FOCAD: variants seen among roughly 807,000 people sequenced by gnomAD.
The protein encoded by FOCAD is focadhesin.
Under a neutral mutation model 225.6 loss-of-function variants are expected in FOCAD, and 198 were observed. The observed-to-expected ratio is 0.88, with a 90% CI of 0.78 to 0.99. The LOEUF (loss-of-function observed/expected upper bound fraction) is 0.99, where lower values mean the gene tolerates loss of function less well. FOCAD is among the 50% of genes least tolerant of loss of function. The probability of loss-of-function intolerance (pLI) is 0.00; values close to 1 mark genes in which losing one functional copy is unlikely to be tolerated. For synonymous variants in FOCAD, 897 were observed against 755.0 expected (o/e 1.19, Z -3.08); for missense variants, 2,713 against 2,123.6 (o/e 1.28, Z -5.46).
chr9:20,947,284 T>C (rs1363751710), intron 30 of FOCAD, among the ~76,000 whole-genome samples: 15 of 152,198 alleles, frequency 9.9e-5, no homozygotes, highest in African/African-American at 2.4e-5. Context: ...TAAGTAACCT[T>C]AAAATGTTTC....
chr9:20,858,704 A>G (rs1371849583), intron 15 of FOCAD, among the ~76,000 whole-genome samples: 2 of 151,898 alleles, frequency 1.3e-5, no homozygotes, highest in African/African-American at 2.4e-5. Flanking sequence ...AAGTTTTTCT[A>G]CTTTATTGAT....
chr9:20,915,272 A>G (rs1434464202), intron 23 of FOCAD, among the ~76,000 whole-genome samples: 3 of 152,200 alleles, frequency 2.0e-5, no homozygotes, highest in Non-Finnish European at 4.4e-5. Context: ...TTAGGGAGTG[A>G]ATAAAGAAAG....
chr9:20,839,242 A>G (rs1469699712), intron 15 of FOCAD, among the ~76,000 whole-genome samples: 1 of 146,336 alleles, frequency 6.8e-6, no homozygotes. Context: ...CCTTGGCTTT[A>G]TGGAATTTCT....
At position 20,969,611 on chromosome 9, in the gene FOCAD, A is replaced by G. The variant is rs560917136; in HGVS notation, c.4133-6809A>G. 3.3e-5 allele frequency among the ~76,000 whole-genome samples: 5 copies of G among 152,036 alleles called. No individual in the cohort carries two copies. The East Asian group carries it at 9.6e-4, about 29-fold the overall frequency. On this transcript the variant is annotated intron_variant, in intron 35 of 43. Transcript: ENST00000338382. ...GTCCCAAATTACATTTGTATACATT[A>G]TGTGCCCATTAAGGTAGATTTATAA...
At position 20,865,928 on chromosome 9, in the gene FOCAD, T is replaced by C; in HGVS notation, c.2058T>C (p.Asn686=). Residue 686 remains asparagine (N), a splice_region_variant and synonymous_variant, in exon 17 of 44, where the codon AAT becomes AAC. Transcript: ENST00000338382. ...TCTTTTGTATGTTAACTTTTCAGAA[T>C]TTTAAAGTTCAAGTCCTCAGCTTCC... ...SLTVNTTEYE[N]FKVQVLSFLW... 6.2e-7 allele frequency: 1 copy of C among 1,606,426 alleles called. No individual in the cohort carries two copies. Among genetic ancestry groups the C allele is most frequent in the Non-Finnish European group, 8.5e-7 (1 of 1,176,200 alleles).
At chr9:20,873,315 A>G (rs927830821) in intron 18 of FOCAD, among the ~76,000 whole-genome samples, 1 of 152,202 alleles carries the variant, frequency 6.6e-6, no homozygotes, top group Admixed American at 6.5e-5. Flanking sequence ...TTTTTAGGCC[A>G]CTAGGATTGT....
Position 20,951,011 on chromosome 9 carries a change from G to C in FOCAD, c.3964G>C (p.Gly1322Arg). 1 of 1,613,114 alleles carries C rather than the reference G, an allele frequency of 6.2e-7. No individual in the cohort carries two copies. The highest frequency in any genetic ancestry group is 8.5e-7 in the Non-Finnish European group (1 of 1,179,250). ...TTATTTGTAGGTCATTAGTGTCTCTGGGGTGATTGGTCTCCAGTCAAATGC... is the reference window on the plus strand; with the variant it reads ...TTATTTGTAGGTCATTAGTGTCTCTCGGGTGATTGGTCTCCAGTCAAATGC... Reference protein sequence around the residue: ...RTLTQVISVSGVIGLQSNAVW... With the variant: ...RTLTQVISVSRVIGLQSNAVW... The change falls in exon 34 of 44, where the codon GGG (glycine) becomes CGG (arginine). Residue 1322 changes from glycine (G) to arginine (R), a missense_variant. Coordinates refer to ENST00000338382, the MANE Select transcript of FOCAD (RefSeq NM_001375567.1).
upstream of FOCAD, among the ~76,000 whole-genome samples, chr9:20,682,901 G>A (rs1822444211): frequency 6.6e-6 from 1 of 152,120 alleles, no homozygotes; most frequent in African/African-American, 2.4e-5. Flanking sequence ...CTCCTGAGTA[G>A]AGTAGCCGTG....
intron 1 of FOCAD, among the ~76,000 whole-genome samples, chr9:20,701,047 G>T (rs1312300623): frequency 1.3e-5 from 2 of 152,200 alleles, no homozygotes; most frequent in African/African-American, 2.4e-5. Flanking sequence ...CCTTCAGAAT[G>T]AGACAAGAAT....
intron 6 of FOCAD, among the ~76,000 whole-genome samples, chr9:20,763,148 C>A (rs1829761337): frequency 6.6e-6 from 1 of 152,054 alleles, no homozygotes; most frequent in Non-Finnish European, 1.5e-5. Context: ...CATTTAATTG[C>A]ATGCTCATTA....
intron 4 of FOCAD, among the ~76,000 whole-genome samples, chr9:20,734,567 A>G (rs750801149): frequency 5.3e-5 from 8 of 152,138 alleles, no homozygotes; most frequent in Non-Finnish European, 1.2e-4. Context: ...GAGGAGTCAC[A>G]TTTTAGTCAT....
chr9:20,847,813 C>G (rs921684173), intron 15 of FOCAD, among the ~76,000 whole-genome samples: 7 of 151,884 alleles, frequency 4.6e-5, no homozygotes, highest in Admixed American at 1.3e-4. Context: ...ATCACTTTGC[C>G]AAATGTCTTT....
In FOCAD at chr9:20,846,938, A is replaced by C. The variant is rs1036758968; in HGVS notation, c.1921-15640A>C. Among the ~76,000 whole-genome samples the C allele has an allele frequency of 4.8e-4, 73 of 152,150 alleles. 1 individual carries two copies. The highest frequency in any genetic ancestry group is 3.2e-4 in the Non-Finnish European group (22 of 68,028). ...TTATTAGTATTACCTTTCATGTTAC[A>C]GATGTGGAGACTGAGGGTCACATAG... On this transcript the variant is annotated intron_variant, in intron 15 of 43. Transcript: ENST00000338382.
intron 21 of FOCAD, among the ~76,000 whole-genome samples, chr9:20,891,849 C>G (rs1248314820): frequency 1.3e-5 from 2 of 152,142 alleles, no homozygotes; most frequent in African/African-American, 2.4e-5. Context: ...AAAGAGCTGT[C>G]TATTGGCAGA....
intron 30 of FOCAD, among the ~76,000 whole-genome samples, chr9:20,947,194 A>G (rs1043471934): frequency 1.3e-5 from 2 of 152,206 alleles, no homozygotes; most frequent in Admixed American, 6.5e-5. Context: ...GATAAAGTCA[A>G]ACTTCAGAAA....
upstream of FOCAD, among the ~76,000 whole-genome samples, chr9:20,656,353 A>T (rs1203174580): frequency 6.6e-6 from 1 of 151,632 alleles, no homozygotes; most frequent in Non-Finnish European, 1.5e-5. Context: ...TGTCTCGTTG[A>T]TCTGTCTAAT....
chr9:20,909,503 G>T (rs921563179), intron 22 of FOCAD, among the ~76,000 whole-genome samples: 22 of 152,150 alleles, frequency 1.4e-4, no homozygotes, highest in South Asian at 2.1e-4. Flanking sequence ...AAAACCTGCA[G>T]ATTATTCATA....
intron 1 of FOCAD, among the ~76,000 whole-genome samples, chr9:20,701,207 G>A (rs534473971): frequency 6.6e-6 from 1 of 152,200 alleles, no homozygotes; most frequent in Non-Finnish European, 1.5e-5. Flanking sequence ...GTTTTCTGAG[G>A]CAGCTGCAGG....
chr9:20,768,752 C>G (rs565491083), intron 7 of FOCAD, among the ~76,000 whole-genome samples: 37 of 152,236 alleles, frequency 2.4e-4, no homozygotes, highest in Middle Eastern at 3.4e-3. Context: ...TCTGTTTCTT[C>G]TCCTTCCAGT....
Sources: allele counts gnomAD v4.1 joint callset (sites outside exome capture counted in the v4.1 genomes callset), GRCh38; gene constraint gnomAD v4.1.1; transcripts MANE v1.5; gene names NCBI Gene and HGNC (gene_info 2026-07-23, HGNC 2026-07-21).